The following NFATC3 variants were observed in gnomAD, a reference collection of about 807,000 sequenced individuals.
NFATC3 encodes nuclear factor of activated T-cells, cytoplasmic 3.
NFATC3 carries 46 observed loss-of-function variants against 98.6 expected under a neutral mutation model. The observed-to-expected ratio is 0.47, with a 90% CI of 0.37 to 0.60. The LOEUF (loss-of-function observed/expected upper bound fraction) is 0.60, where lower values mean the gene tolerates loss of function less well. Among genes scored for constraint, NFATC3 ranks in the 20% least tolerant of loss-of-function variants. NFATC3 has a pLI of 0.00. For missense variants in NFATC3, 1,256 were observed against 1,295.5 expected, an observed-to-expected ratio of 0.97 and a Z score of 0.47; for synonymous variants, 512 against 472.2, an observed-to-expected ratio of 1.08 and a Z score of -1.09.
chr16:68,202,187 A>T (rs1301085014), intron 9 of NFATC3, among the ~76,000 whole-genome samples: 1 of 152,038 alleles, frequency 6.6e-6, no homozygotes, highest in Non-Finnish European at 1.5e-5. Context: ...GCCTGACCTG[A>T]TGCTGTGCTG....
chr16:68,157,730 CTTTTGGTTGTA>C (rs1598465102), intron 3 of NFATC3, 128 bp from the exon 4 acceptor site: 2 of 626,118 alleles, frequency 3.2e-6, no homozygotes, highest in Non-Finnish European at 5.1e-6. Flanking sequence ...TCACTGGTTA[CTTTTGGTTGTA>C]TTTTTTGAAA....
At chr16:68,188,333 C>T (rs1033548308) in intron 8 of NFATC3, among the ~76,000 whole-genome samples, 4 of 152,142 alleles carry the variant, frequency 2.6e-5, no homozygotes, top group African/African-American at 4.8e-5. Context: ...TTCCTGCTAC[C>T]GCCCCTCTCC....
chr16:68,210,112 A>C (rs1022940730), intron 9 of NFATC3, among the ~76,000 whole-genome samples: 11 of 152,066 alleles, frequency 7.2e-5, no homozygotes, highest in African/African-American at 2.2e-4. Flanking sequence ...CCTGGCTAAC[A>C]CAGTGAAACT....
intron 3 of NFATC3, among the ~76,000 whole-genome samples, chr16:68,136,810 T>C (rs1319640198): frequency 6.6e-6 from 1 of 152,090 alleles, no homozygotes; most frequent in Non-Finnish European, 1.5e-5. Context: ...GGCAGGAGGA[T>C]TGCTTGAGTC....
Position 68,191,047 on chromosome 16 carries a change from C to T in NFATC3, c.2378C>T (p.Thr793Ile). ...SPIVHQPFQVTPTPPVGSSYQ... is the reference protein window; with the variant it reads ...SPIVHQPFQVIPTPPVGSSYQ... ...ATTGTACACCAGCCTTTTCAAGTCACACCAACACCTCCTGTGGGGTCTTCC... is the reference window on the plus strand; with the variant it reads ...ATTGTACACCAGCCTTTTCAAGTCATACCAACACCTCCTGTGGGGTCTTCC... Residue 793 changes from threonine to isoleucine, a missense_variant, in exon 9 of 10, where the codon ACA (threonine) becomes ATA (isoleucine). Physicochemically the swap from Thr to Ile is moderately conservative, Grantham distance 89 (BLOSUM62 -1). Transcript: ENST00000346183. 3.1e-6 allele frequency: 5 copies of T among 1,614,244 alleles called. No homozygotes were observed. Among genetic ancestry groups the T allele is most frequent in the South Asian group, 1.1e-5 (1 of 91,084 alleles).
chr16:68,088,019 A>G (rs1378516549), intron 1 of NFATC3, among the ~76,000 whole-genome samples: 1 of 152,192 alleles, frequency 6.6e-6, no homozygotes, highest in African/African-American at 2.4e-5. Flanking sequence ...AAGTTTTCAG[A>G]ATTACTTGTT....
At chr16:68,221,996 G>C (rs752159169) in intron 9 of NFATC3, among the ~76,000 whole-genome samples, 5 of 151,916 alleles carry the variant, frequency 3.3e-5, no homozygotes, top group Non-Finnish European at 4.4e-5. Flanking sequence ...AGATATAGAA[G>C]AACAACACCT....
intron 4 of NFATC3, among the ~76,000 whole-genome samples, chr16:68,163,976 C>A (rs1399065951): frequency 6.7e-6 from 1 of 149,834 alleles, no homozygotes; most frequent in East Asian, 2.0e-4. Context: ...CAGGCAGAGA[C>A]GCTCCTCACT....
chr16:68,167,810 C>CTTTTTTTTTTTTTTTT lies in NFATC3; in HGVS notation c.1774+819_1774+834dup, dbSNP rs35302776. Among the ~76,000 whole-genome samples, 28 of 23,918 alleles carry CTTTTTTTTTTTTTTTT rather than the reference C, an allele frequency of 1.2e-3. 8 individuals are homozygous for CTTTTTTTTTTTTTTTT. Among genetic ancestry groups the CTTTTTTTTTTTTTTTT allele is most frequent in the African/African-American group, 1.5e-3 (16 of 10,546 alleles). 15.7% of individuals were successfully genotyped at this position (23,918 alleles called of 152,430 possible). On this transcript the variant is annotated intron_variant, in intron 5 of 9. Coordinates refer to ENST00000346183, the MANE Select transcript of NFATC3 (RefSeq NM_173165.3). ...TTTATATCTGTTAACCGTATGTGTT[C>CTTTTTTTTTTTTTTTT]TTTTTTTTTTTTTTTTTTTTTTTTT...
intron 1 of NFATC3, among the ~76,000 whole-genome samples, chr16:68,086,210 A>AC (rs1012878210): frequency 4.6e-5 from 7 of 151,914 alleles, no homozygotes. Context: ...CAACGGTAGG[A>AC]CCCCTCTAAA....
Position 68,174,364 on chromosome 16 carries a change from T to C in NFATC3, c.1775-10T>C, listed in dbSNP as rs1019828435. The C allele has an allele frequency of 7.2e-7, 1 of 1,383,456 alleles. No homozygotes were observed. The highest frequency in any genetic ancestry group is 9.4e-7 in the Non-Finnish European group (1 of 1,060,910). 85.7% of individuals were successfully genotyped at this position (1,383,456 alleles called of 1,614,324 possible). The stretch of plus-strand genomic sequence containing the variant: ...GTTTTTTCTCAACTCTTTAAAAAAA[T>C]TTAAAACAGCCCAGCGGTCTGCTCA... On this transcript the variant is annotated splice_polypyrimidine_tract_variant and intron_variant, in intron 5 of 9. Transcript: ENST00000346183.
chr16:68,092,041 G>T (rs924664142), intron 1 of NFATC3, among the ~76,000 whole-genome samples: 1 of 152,194 alleles, frequency 6.6e-6, no homozygotes, highest in Non-Finnish European at 1.5e-5. Flanking sequence ...TAATTATATT[G>T]TATGACTTTC....
rs2036620100 is a variant in NFATC3 at position 68,122,468 on chromosome 16, G to C, written c.585G>C (p.Glu195Asp). 6.2e-7 allele frequency: 1 copy of C among 1,614,010 alleles called. No individual in the cohort carries two copies. Among genetic ancestry groups the C allele is most frequent in the African/African-American group, 1.3e-5 (1 of 74,908 alleles). ...LSHIYDDVDS[E>D]LNEAAARFTL... Reference sequence around the variant, plus strand: ...ATATTTATGATGATGTGGACTCAGAGTTGAATGAAGCTGCAGCCCGATTTA... The same window carrying C: ...ATATTTATGATGATGTGGACTCAGACTTGAATGAAGCTGCAGCCCGATTTA... Residue 195 changes from glutamate (E) to aspartate (D), a missense_variant, in exon 2 of 10, where the codon GAG becomes GAC. Coordinates refer to ENST00000346183, the MANE Select transcript of NFATC3 (RefSeq NM_173165.3).
At chr16:68,101,569 C>T (rs1189556604) in intron 1 of NFATC3, among the ~76,000 whole-genome samples, 4 of 151,744 alleles carry the variant, frequency 2.6e-5, no homozygotes, top group Non-Finnish European at 4.4e-5. Context: ...CTGCAAGCTC[C>T]GCCTCCCGGG....
At chr16:68,086,983 C>A (rs2034414523) in intron 1 of NFATC3, among the ~76,000 whole-genome samples, 1 of 152,150 alleles carries the variant, frequency 6.6e-6, no homozygotes, top group Non-Finnish European at 1.5e-5. Context: ...AGGACTGAGG[C>A]TTTTCAAGGA....
chr16:68,195,631 A>G (rs1378433138), intron 9 of NFATC3, among the ~76,000 whole-genome samples: 2 of 151,900 alleles, frequency 1.3e-5, no homozygotes, highest in East Asian at 3.9e-4. Flanking sequence ...ACACGGTGAA[A>G]CCCCGTCTCT....
chr16:68,154,248 A>G (rs1010561473), intron 3 of NFATC3, among the ~76,000 whole-genome samples: 1 of 152,118 alleles, frequency 6.6e-6, no homozygotes, highest in African/African-American at 2.4e-5. Flanking sequence ...TGATACCATC[A>G]TTCTCCTGGG....
rs538627383 is a variant in NFATC3, at chr16:68,150,319, G to A, written c.1402-7550G>A. On this transcript the variant is annotated intron_variant, in intron 3 of 9. Transcript: ENST00000346183. The stretch of plus-strand genomic sequence containing the variant: ...AGGCCAGGCACAGTGGCTCATGCCC[G>A]TAATACCAGCATTTTGGAAGGCCAA... Among the ~76,000 whole-genome samples, 10 of 150,614 alleles carry A rather than the reference G, an allele frequency of 6.6e-5. No homozygotes were observed. In the South Asian group the frequency reaches 1.7e-3, roughly 25 times the overall value.
At chr16:68,213,278 G>C (rs2041494142) in intron 9 of NFATC3, among the ~76,000 whole-genome samples, 1 of 151,240 alleles carries the variant, frequency 6.6e-6, no homozygotes, top group Non-Finnish European at 1.5e-5. Context: ...AGCCGGGCGT[G>C]GTGGCGGGCA....
Sources: gnomAD v4.1 joint callset for allele counts (sites outside exome capture counted in the v4.1 genomes callset) on GRCh38, gnomAD v4.1.1 for gene constraint, MANE v1.5 for transcripts, NCBI Gene and HGNC (gene_info 2026-07-23, HGNC 2026-07-21) for gene names.